The following SSBP3 variants were observed in gnomAD, a reference collection of about 807,000 sequenced individuals.
SSBP3 encodes single stranded DNA binding protein 3.
In SSBP3, 5 loss-of-function variants were observed where a neutral mutation model predicts 69.6. The observed-to-expected ratio is 0.07, with a 90% CI of 0.04 to 0.15. The LOEUF (loss-of-function observed/expected upper bound fraction) is 0.15, where lower values mean the gene tolerates loss of function less well. Among genes scored for constraint, SSBP3 ranks in the 10% least tolerant of loss-of-function variants. The pLI, the probability that SSBP3 is intolerant of heterozygous loss-of-function variation, is 1.00. For synonymous variants in SSBP3, 196 were observed against 193.4 expected (o/e 1.01, Z -0.11); for missense variants, 312 against 534.0 (o/e 0.58, Z 4.10).
chr1:54,301,334 T>A (rs1243361400), intron 4 of SSBP3, among the ~76,000 whole-genome samples: 1 of 152,134 alleles, frequency 6.6e-6, no homozygotes, highest in African/African-American at 2.4e-5. Context: ...CACGCCAACT[T>A]TGGTTCAACA....
At chr1:54,252,518 CGGGACAGGTGGCCACTAGGAGA>C (rs146044344) in intron 7 of SSBP3, among the ~76,000 whole-genome samples, 89,920 of 151,526 alleles carry the variant, frequency 0.59, 27,301 homozygotes, top group South Asian at 0.73. Flanking sequence ...AGCCCCGGGG[CGGGACAGGTGGCCACTAGGAGA>C]GGGACAGGTG....
At position 54,334,237 on chromosome 1, in the gene SSBP3, A is replaced by G. The variant is rs181934099; in HGVS notation, c.277-52710T>C. 6.7e-4 allele frequency among the ~76,000 whole-genome samples: 102 copies of G among 152,040 alleles called. 2 individuals are homozygous for G. The East Asian group carries it at 0.019, about 28-fold the overall frequency. ...CGTGGTGGTGCGTGCCTGTAGTTCC[A>G]GCTACTCAGGAGGCTGAGGCAGGAG... On this transcript the variant is annotated intron_variant, in intron 4 of 17. Transcript: ENST00000610401.
At chr1:54,393,754 C>A (rs1648662440) in intron 4 of SSBP3, among the ~76,000 whole-genome samples, 1 of 152,104 alleles carries the variant, frequency 6.6e-6, no homozygotes, top group African/African-American at 2.4e-5. Context: ...CTTATAAAGG[C>A]ATACTTTATT....
chr1:54,305,267 G>A (rs1416162363), intron 4 of SSBP3, among the ~76,000 whole-genome samples: 1 of 152,134 alleles, frequency 6.6e-6, no homozygotes, highest in Non-Finnish European at 1.5e-5. Flanking sequence ...ACAGACCCAG[G>A]CCCTGCCCTT....
chr1:54,228,537 C>T (rs147481925), intron 15 of SSBP3, 60 bp from the exon 16 acceptor site: 18,252 of 1,609,430 alleles, frequency 0.011, 127 homozygotes, highest in Middle Eastern at 0.014. Flanking sequence ...AGGGGTCTCC[C>T]CTCGTCCTGG....
intron 4 of SSBP3, among the ~76,000 whole-genome samples, chr1:54,291,538 A>G (rs1469283416): frequency 6.6e-6 from 1 of 152,154 alleles, no homozygotes; most frequent in Non-Finnish European, 1.5e-5. Context: ...TAAAGCATGC[A>G]CTAATTGCGC....
At chr1:54,307,642 C>T (rs977427040) in intron 4 of SSBP3, among the ~76,000 whole-genome samples, 1 of 152,104 alleles carries the variant, frequency 6.6e-6, no homozygotes, top group Non-Finnish European at 1.5e-5. Flanking sequence ...GAGGTCAGCA[C>T]AAAATACAGG....
intron 4 of SSBP3, among the ~76,000 whole-genome samples, chr1:54,337,986 AAAT>A (rs1646540070): frequency 6.6e-6 from 1 of 152,182 alleles, no homozygotes; most frequent in Non-Finnish European, 1.5e-5. Context: ...TATTTTTGAA[AAAT>A]AATGAGAATA....
chr1:54,271,513 C>T (rs1262863858), intron 5 of SSBP3, among the ~76,000 whole-genome samples: 2 of 152,192 alleles, frequency 1.3e-5, no homozygotes, highest in East Asian at 3.9e-4. Context: ...GGAAACAGTG[C>T]CTGAAGAGGC....
At chr1:54,271,070 T>C (rs1380421279) in intron 5 of SSBP3, among the ~76,000 whole-genome samples, 3 of 152,194 alleles carry the variant, frequency 2.0e-5, no homozygotes, top group African/African-American at 7.2e-5. Flanking sequence ...CCAGTCATCT[T>C]TCCACAGCAG....
chr1:54,260,114 T>C (rs920145244), intron 5 of SSBP3, among the ~76,000 whole-genome samples: 4 of 152,158 alleles, frequency 2.6e-5, no homozygotes, highest in African/African-American at 9.7e-5. Context: ...CGGGACATAT[T>C]TGCACCTGCA....
rs1296303994 is a variant in SSBP3, at chr1:54,240,045, GGGGTGTGTGTGTGTGTGT to G, written c.856+842_857-847del. 2.2e-3 allele frequency among the ~76,000 whole-genome samples: 143 copies of G among 65,458 alleles called. 2 individuals carry two copies. Among genetic ancestry groups the G allele is most frequent in the Middle Eastern group, 0.014 (2 of 140 alleles). 42.9% of individuals were successfully genotyped at this position (65,458 alleles called of 152,430 possible). On this transcript the variant is annotated intron_variant, in intron 13 of 17. Coordinates refer to ENST00000610401, the Ensembl canonical transcript of SSBP3. Reference sequence around the variant, plus strand: ...GCTGGGAAAGAAACATAATTGTGATGGGGTGTGTGTGTGTGTGTGTGTGTGTGTGTGTGTGTGTGTGTG... The same window carrying G: ...GCTGGGAAAGAAACATAATTGTGATGGTGTGTGTGTGTGTGTGTGTGTGTG...
intron 4 of SSBP3, among the ~76,000 whole-genome samples, chr1:54,380,343 G>A (rs1647528261): frequency 6.6e-6 from 1 of 152,070 alleles, no homozygotes; most frequent in East Asian, 1.9e-4. Flanking sequence ...TTACACCCTG[G>A]ACAGTACCCC....
At chr1:54,277,218 A>C (rs1645304606) in intron 5 of SSBP3, among the ~76,000 whole-genome samples, 1 of 152,056 alleles carries the variant, frequency 6.6e-6, no homozygotes, top group African/African-American at 2.4e-5. Context: ...TTCATGGTAG[A>C]CATTGCCAGT....
At chr1:54,242,082 A>C in intron 11 of SSBP3, 82 bp downstream of exon 11, 1 of 1,505,830 alleles carries the variant, frequency 6.6e-7, no homozygotes, top group Non-Finnish European at 9.2e-7. Context: ...TTCCCGTGAC[A>C]CCTACACCCA....
intron 5 of SSBP3, among the ~76,000 whole-genome samples, chr1:54,263,510 A>G (rs1479345260): frequency 1.3e-5 from 2 of 152,214 alleles, no homozygotes; most frequent in Non-Finnish European, 2.9e-5. Flanking sequence ...AGTGTGAGGC[A>G]CACGGGGTCC....
chr1:54,399,148 CTGTGGGAG>C (rs1275937162), intron 4 of SSBP3, among the ~76,000 whole-genome samples: 1 of 152,230 alleles, frequency 6.6e-6, no homozygotes, highest in African/African-American at 2.4e-5. Context: ...ATGGAAGGTA[CTGTGGGAG>C]CTACAGAGAT....
At chr1:54,287,815 T>TG (rs1387664169) in intron 4 of SSBP3, among the ~76,000 whole-genome samples, 1 of 152,164 alleles carries the variant, frequency 6.6e-6, no homozygotes, top group Non-Finnish European at 1.5e-5. Context: ...AGAGGATTCC[T>TG]GGTTTCATAT....
At chr1:54,322,701 G>A (rs928714883) in intron 4 of SSBP3, among the ~76,000 whole-genome samples, 1 of 151,140 alleles carries the variant, frequency 6.6e-6, no homozygotes, top group Admixed American at 6.6e-5. Flanking sequence ...TCCTCTCCAA[G>A]CAACAACTCA....
Sources: allele counts gnomAD v4.1 joint callset (sites outside exome capture counted in the v4.1 genomes callset), GRCh38; gene constraint gnomAD v4.1.1; transcripts MANE v1.5; gene names NCBI Gene and HGNC (gene_info 2026-07-23, HGNC 2026-07-21).